The following VTI1A variants were observed in gnomAD, a reference collection of about 807,000 sequenced individuals.
The protein encoded by VTI1A is vesicle transport through interaction with t-SNAREs 1A, also known as vesicle transport through interaction with t-SNAREs homolog 1A.
In VTI1A, 22 loss-of-function variants were observed where a neutral mutation model predicts 34.9. That is an observed-to-expected ratio of 0.63 (90% CI 0.45 to 0.90). The LOEUF (loss-of-function observed/expected upper bound fraction) is 0.90, where lower values mean the gene tolerates loss of function less well. Among genes scored for constraint, VTI1A ranks in the 40% least tolerant of loss-of-function variants. VTI1A has a pLI of 0.00. For synonymous variants in VTI1A, 87 were observed against 97.3 expected (o/e 0.89, Z 0.62); for missense variants, 268 against 275.6 (o/e 0.97, Z 0.20).
chr10:112,817,101 G>A lies in VTI1A; in HGVS notation c.*1718G>A, dbSNP rs117890743. On this transcript the variant is annotated 3_prime_UTR_variant, in exon 8 of 8. Coordinates refer to ENST00000393077, the MANE Select transcript of VTI1A (RefSeq NM_145206.4). Reference sequence around the variant, plus strand: ...GTATTCTGATAACGGAATGCTGTACGTGCTGACCACATCTAAGAACCATTA... The same window carrying A: ...GTATTCTGATAACGGAATGCTGTACATGCTGACCACATCTAAGAACCATTA... 6.9e-3 allele frequency: 1,616 copies of A among 232,558 alleles called. 11 individuals are homozygous for A. The highest frequency in any genetic ancestry group is 0.01 in the Non-Finnish European group (1,199 of 117,640). 14.4% of individuals were successfully genotyped at this position (232,558 alleles called of 1,614,324 possible). A position where few individuals can be genotyped will look rare whatever the true frequency, so the allele number is the denominator to read the frequency against.
At chr10:112,766,461 A>G (rs1438905193) in intron 7 of VTI1A, among the ~76,000 whole-genome samples, 2 of 152,264 alleles carry the variant, frequency 1.3e-5, no homozygotes, top group Non-Finnish European at 2.9e-5. Flanking sequence ...TGTTTCTGCA[A>G]GAATTGGTAT....
In VTI1A at chr10:112,797,862, A is replaced by G. The variant is rs542709398; in HGVS notation, c.561-17428A>G. 2.0e-5 allele frequency among the ~76,000 whole-genome samples: 3 copies of G among 152,344 alleles called. No individual in the cohort carries two copies. The East Asian group carries it at 5.8e-4, about 29-fold the overall frequency. ...GTACACAAACTGTGGAATCGCCTAT[A>G]CATTTGTAAGAGGTGGCCCACAGAT... On this transcript the variant is annotated intron_variant, in intron 7 of 7. Transcript: ENST00000393077.
intron 7 of VTI1A, among the ~76,000 whole-genome samples, chr10:112,813,548 G>T (rs1421284654): frequency 2.6e-5 from 4 of 152,112 alleles, no homozygotes; most frequent in Admixed American, 6.5e-5. Flanking sequence ...CATTCTGAAG[G>T]CTCCTGTCCC....
At chr10:112,564,358 A>G (rs1851831714) in intron 5 of VTI1A, among the ~76,000 whole-genome samples, 1 of 151,622 alleles carries the variant, frequency 6.6e-6, no homozygotes, top group Non-Finnish European at 1.5e-5. Flanking sequence ...TTTTCCGTGT[A>G]TTGTGCTTGT....
intron 5 of VTI1A, among the ~76,000 whole-genome samples, chr10:112,560,754 G>A (rs1476275380): frequency 2.6e-5 from 4 of 151,698 alleles, no homozygotes; most frequent in Non-Finnish European, 4.4e-5. Flanking sequence ...GCACCATCAC[G>A]CCCAGCTAAT....
At chr10:112,773,257 T>G (rs917398323) in intron 7 of VTI1A, among the ~76,000 whole-genome samples, 3 of 152,222 alleles carry the variant, frequency 2.0e-5, no homozygotes, top group Non-Finnish European at 4.4e-5. Flanking sequence ...GTTCCTGGTC[T>G]TATTGAATCA....
intron 5 of VTI1A, among the ~76,000 whole-genome samples, chr10:112,630,314 G>A (rs757916490): frequency 1.1e-4 from 17 of 152,152 alleles, no homozygotes; most frequent in Non-Finnish European, 2.1e-4. Flanking sequence ...TGTGTCCTCA[G>A]CTTCAGAAAG....
At chr10:112,739,543 C>A (rs1307043669) in intron 7 of VTI1A, among the ~76,000 whole-genome samples, 1 of 152,196 alleles carries the variant, frequency 6.6e-6, no homozygotes, top group African/African-American at 2.4e-5. Flanking sequence ...TTTTCCGAAC[C>A]TCTTTTCATT....
chr10:112,812,044 T>A (rs1178942819), intron 7 of VTI1A, among the ~76,000 whole-genome samples: 1 of 152,258 alleles, frequency 6.6e-6, no homozygotes, highest in Non-Finnish European at 1.5e-5. Flanking sequence ...TGATTCATAA[T>A]GTAAACTTGG....
At chr10:112,661,046 T>A (rs1847426556) in intron 5 of VTI1A, among the ~76,000 whole-genome samples, 1 of 152,220 alleles carries the variant, frequency 6.6e-6, no homozygotes, top group Non-Finnish European at 1.5e-5. Context: ...AGTGGCATGA[T>A]CTTGCCTCAC....
At chr10:112,737,052 A>C in intron 7 of VTI1A, 1 of 430,534 alleles carries the variant, frequency 2.3e-6, no homozygotes, top group South Asian at 5.8e-5. Flanking sequence ...CATAGTGGAC[A>C]ATTTTTTTTC....
chr10:112,575,681 ATTAATTGTTTAATAT>A (rs1328106155), intron 5 of VTI1A, among the ~76,000 whole-genome samples: 1 of 152,212 alleles, frequency 6.6e-6, no homozygotes, highest in Admixed American at 6.5e-5. Flanking sequence ...ACCTTATGAA[ATTAATTGTTTAATAT>A]TTAACTTGAA....
chr10:112,613,147 G>A (rs116407857), intron 5 of VTI1A, among the ~76,000 whole-genome samples: 2,403 of 152,204 alleles, frequency 0.016, 65 homozygotes, highest in African/African-American at 0.054. Flanking sequence ...GCCGAATGGG[G>A]AGATGAAGAG....
Position 112,466,343 on chromosome 10 carries a change from A to G in VTI1A, c.264+1686A>G, listed in dbSNP as rs373798577. Among the ~76,000 whole-genome samples, 52 of 152,284 alleles carry G rather than the reference A, an allele frequency of 3.4e-4. 1 individual carries two copies. Among genetic ancestry groups the G allele is most frequent in the African/African-American group, 1.0e-3 (43 of 41,562 alleles). On this transcript the variant is annotated intron_variant, in intron 3 of 7. Coordinates refer to ENST00000393077, the MANE Select transcript of VTI1A (RefSeq NM_145206.4). ...GTTATGCATGCTTGTTTTGTATGTG[A>G]ATGGCTACTATCTTGATAAGTTGAG... is the stretch of plus-strand genomic sequence containing the variant.
At chr10:112,547,894 GA>G (rs1408463688) in intron 5 of VTI1A, among the ~76,000 whole-genome samples, 2 of 151,946 alleles carry the variant, frequency 1.3e-5, no homozygotes, top group Non-Finnish European at 2.9e-5. Flanking sequence ...AATTTTTGAA[GA>G]AAAGCAATCA....
chr10:112,811,547 GGT>G (rs1853300963), intron 7 of VTI1A, among the ~76,000 whole-genome samples: 1 of 152,014 alleles, frequency 6.6e-6, no homozygotes, highest in African/African-American at 2.4e-5. Context: ...AGCCGGGCGT[GGT>G]GGCGGGCGCC....
intron 5 of VTI1A, among the ~76,000 whole-genome samples, chr10:112,575,076 G>A (rs896774716): frequency 6.6e-6 from 1 of 152,216 alleles, no homozygotes; most frequent in Non-Finnish European, 1.5e-5. Flanking sequence ...CACTGTTGTA[G>A]TTTGCTTCAC....
chr10:112,748,775 G>A (rs963928129), intron 7 of VTI1A, among the ~76,000 whole-genome samples: 2 of 151,266 alleles, frequency 1.3e-5, no homozygotes, highest in East Asian at 1.9e-4. Context: ...ACAGATGCCC[G>A]CCACCATGCC....
At chr10:112,737,983 T>C (rs1850557909) in intron 7 of VTI1A, 1 of 737,100 alleles carries the variant, frequency 1.4e-6, no homozygotes, top group Non-Finnish European at 1.7e-6. Context: ...AGTCCTCCGA[T>C]GTCCAGAGAT....
Sources: gnomAD v4.1 joint callset for allele counts (sites outside exome capture counted in the v4.1 genomes callset) on GRCh38, gnomAD v4.1.1 for gene constraint, MANE v1.5 for transcripts, NCBI Gene and HGNC (gene_info 2026-07-23, HGNC 2026-07-21) for gene names.